PIBF1: variants seen among roughly 807,000 people sequenced by gnomAD.
PIBF1 encodes the protein progesterone-induced-blocking factor 1.
Under a neutral mutation model 112.5 loss-of-function variants are expected in PIBF1, and 90 were observed. That is an observed-to-expected ratio of 0.80 (90% CI 0.67 to 0.95). The LOEUF is 0.95. PIBF1 is among the 40% of genes least tolerant of loss of function. The probability of loss-of-function intolerance (pLI) is 0.00; values close to 1 mark genes in which losing one functional copy is unlikely to be tolerated. For synonymous variants in PIBF1, 301 were observed against 288.6 expected, an observed-to-expected ratio of 1.04 and a Z score of -0.44; for missense variants, 915 against 852.3, an observed-to-expected ratio of 1.07 and a Z score of -0.92.
At chr13:72,977,922 G>C (rs1005766455) in intron 16 of PIBF1, among the ~76,000 whole-genome samples, 1 of 152,132 alleles carries the variant, frequency 6.6e-6, no homozygotes, top group Non-Finnish European at 1.5e-5. Context: ...GCAGGTGGCC[G>C]TAGAGAGAAA....
At chr13:72,849,225 GTTAACT>G (rs1184442161) in intron 9 of PIBF1, among the ~76,000 whole-genome samples, 2 of 152,146 alleles carry the variant, frequency 1.3e-5, no homozygotes, top group Admixed American at 1.3e-4. Context: ...GGAATCTAAC[GTTAACT>G]TTATACAAGT....
chr13:72,994,552 T>C (rs979778764), intron 16 of PIBF1, among the ~76,000 whole-genome samples: 2 of 152,102 alleles, frequency 1.3e-5, no homozygotes, highest in Admixed American at 1.3e-4. Context: ...ATAAACAATA[T>C]TTACAAATAA....
At chr13:72,977,822 A>G (rs1281867724) in intron 16 of PIBF1, among the ~76,000 whole-genome samples, 1 of 152,200 alleles carries the variant, frequency 6.6e-6, no homozygotes, top group Non-Finnish European at 1.5e-5. Flanking sequence ...TTCTTGAACT[A>G]TGAGTGGAAT....
intron 13 of PIBF1, among the ~76,000 whole-genome samples, chr13:72,924,923 G>A (rs1161600560): frequency 6.6e-6 from 1 of 152,110 alleles, no homozygotes; most frequent in Admixed American, 6.5e-5. Context: ...TGTGAAGGCT[G>A]GCACAGTCAA....
At chr13:72,905,334 G>C (rs972184671) in intron 11 of PIBF1, among the ~76,000 whole-genome samples, 1 of 152,026 alleles carries the variant, frequency 6.6e-6, no homozygotes. Context: ...CCAAAGTGCT[G>C]GGATTACCGG....
intron 12 of PIBF1, among the ~76,000 whole-genome samples, chr13:72,910,418 A>G (rs767981909): frequency 3.0e-4 from 46 of 152,116 alleles, no homozygotes; most frequent in Admixed American, 7.2e-4. Context: ...AAAGTTTCAT[A>G]CTCTTTCTTA....
chr13:72,874,536 G>C (rs1225732212), intron 10 of PIBF1, among the ~76,000 whole-genome samples: 1 of 152,098 alleles, frequency 6.6e-6, no homozygotes, highest in East Asian at 1.9e-4. Context: ...CAAAACTAAT[G>C]ACACAAATCC....
intron 3 of PIBF1, among the ~76,000 whole-genome samples, chr13:72,792,923 G>C (rs1326207084): frequency 1.3e-5 from 2 of 152,000 alleles, no homozygotes; most frequent in East Asian, 3.8e-4. Context: ...GCTCAGTTGT[G>C]GGCTTATCAT....
intron 16 of PIBF1, among the ~76,000 whole-genome samples, chr13:72,992,521 A>G (rs1046083511): frequency 1.5e-4 from 23 of 152,248 alleles, no homozygotes; most frequent in African/African-American, 5.3e-4. Context: ...ATTGTACTCA[A>G]TGGTGTCATT....
At position 72,783,741 on chromosome 13, in the gene PIBF1, T is replaced by G. The variant is rs1377087893; in HGVS notation, c.252+20T>G. On this transcript the variant is annotated intron_variant, in intron 2 of 17. Coordinates refer to ENST00000326291, the MANE Select transcript of PIBF1 (RefSeq NM_006346.4). ...ACAAAGGTAAGATCAGGTTTAAATTTTGTGTTCTATATGCTTTATTGTCTT... is the reference window on the plus strand; with the variant it reads ...ACAAAGGTAAGATCAGGTTTAAATTGTGTGTTCTATATGCTTTATTGTCTT... The G allele has an allele frequency of 6.2e-6, 10 of 1,607,626 alleles. No homozygotes were observed.
intron 10 of PIBF1, among the ~76,000 whole-genome samples, chr13:72,870,375 A>G (rs2039111942): frequency 6.6e-6 from 1 of 152,208 alleles, no homozygotes; most frequent in Admixed American, 6.5e-5. Context: ...GCAAAAGAGA[A>G]ACGTATCTCT....
At chr13:72,930,660 T>C (rs1406738099) in intron 13 of PIBF1, among the ~76,000 whole-genome samples, 1 of 152,222 alleles carries the variant, frequency 6.6e-6, no homozygotes, top group Non-Finnish European at 1.5e-5. Flanking sequence ...CTCTAAGTTT[T>C]ATATATCTTT....
intron 4 of PIBF1, among the ~76,000 whole-genome samples, chr13:72,796,809 T>C (rs2035222512): frequency 6.6e-6 from 1 of 152,198 alleles, no homozygotes; most frequent in Non-Finnish European, 1.5e-5. Flanking sequence ...CTGTTTGTTT[T>C]CTTAATATTC....
intron 10 of PIBF1, among the ~76,000 whole-genome samples, chr13:72,883,153 A>G (rs12866829): frequency 1.3e-5 from 2 of 152,216 alleles, no homozygotes; most frequent in African/African-American, 4.8e-5. Flanking sequence ...TTCTTCGGCC[A>G]TAAAAAAGAA....
intron 10 of PIBF1, among the ~76,000 whole-genome samples, chr13:72,863,560 A>G (rs2038792158): frequency 6.6e-6 from 1 of 150,656 alleles, no homozygotes; most frequent in African/African-American, 2.4e-5. Context: ...GAGGAGGCTG[A>G]GGCAGGAGAA....
chr13:72,944,370 C>A (rs1346981713), intron 14 of PIBF1, among the ~76,000 whole-genome samples: 1 of 151,364 alleles, frequency 6.6e-6, no homozygotes, highest in East Asian at 1.9e-4. Context: ...TCGGTTGAAC[C>A]CAGGAGGCAG....
intron 8 of PIBF1, among the ~76,000 whole-genome samples, chr13:72,829,868 G>A (rs1268202045): frequency 6.6e-6 from 1 of 152,118 alleles, no homozygotes; most frequent in Non-Finnish European, 1.5e-5. Flanking sequence ...ATTACTTTGG[G>A]CAGTATGGCC....
intron 11 of PIBF1, among the ~76,000 whole-genome samples, chr13:72,902,492 T>C (rs994630596): frequency 2.6e-5 from 4 of 151,364 alleles, no homozygotes; most frequent in Non-Finnish European, 4.4e-5. Context: ...ACCAAGTGGG[T>C]GGTATTAATC....
rs2044378481 is a variant in PIBF1, at chr13:73,016,234, G to A, written c.*315G>A. 6.5e-6 allele frequency: 1 copy of A among 154,716 alleles called. No homozygotes were observed. The highest frequency in any genetic ancestry group is 1.8e-4 in the East Asian group (1 of 5,410). 9.6% of individuals were successfully genotyped at this position (154,716 alleles called of 1,614,324 possible). ...TTTTTCTATACTACGTAAATTCTGA[G>A]TTTAAATGTCATACACAAATACTAA... On this transcript the variant is annotated 3_prime_UTR_variant, in exon 18 of 18. Coordinates refer to ENST00000326291, the MANE Select transcript of PIBF1 (RefSeq NM_006346.4).
Sources: gnomAD v4.1 joint callset for allele counts (sites outside exome capture counted in the v4.1 genomes callset) on GRCh38, gnomAD v4.1.1 for gene constraint, MANE v1.5 for transcripts, NCBI Gene and HGNC (gene_info 2026-07-23, HGNC 2026-07-21) for gene names.